Variants in RAP1GAP2 observed in about 807,000 individuals in gnomAD.
RAP1GAP2 encodes the protein RAP1 GTPase activating protein 2, also known as rap1 GTPase-activating protein 2.
RAP1GAP2 carries 27 observed loss-of-function variants against 95.0 expected under a neutral mutation model. The observed-to-expected ratio is 0.28, with a 90% confidence interval of 0.21 to 0.39. The LOEUF (loss-of-function observed/expected upper bound fraction) is 0.39, where lower values mean the gene tolerates loss of function less well. RAP1GAP2 is among the 10% of genes least tolerant of loss of function. The pLI, the probability that RAP1GAP2 is intolerant of heterozygous loss-of-function variation, is 1.00. For missense variants in RAP1GAP2, 771 were observed against 970.0 expected (o/e 0.79, Z 2.72); for synonymous variants, 373 against 380.9 (o/e 0.98, Z 0.24).
intron 2 of RAP1GAP2, among the ~76,000 whole-genome samples, chr17:2,851,268 C>T (rs939466316): frequency 2.0e-5 from 3 of 152,094 alleles, no homozygotes; most frequent in Non-Finnish European, 4.4e-5. Flanking sequence ...TTGTTTCGGG[C>T]AGGGATGGTC....
At chr17:2,999,198 T>G (rs987671588) in intron 14 of RAP1GAP2, among the ~76,000 whole-genome samples, 1 of 152,290 alleles carries the variant, frequency 6.6e-6, no homozygotes, top group African/African-American at 2.4e-5. Flanking sequence ...CCACTCCTCA[T>G]GGCTGGATCT....
At chr17:2,986,573 T>C (rs542845680) in intron 11 of RAP1GAP2, among the ~76,000 whole-genome samples, 44 of 151,370 alleles carry the variant, frequency 2.9e-4, no homozygotes, top group Admixed American at 1.9e-3. Flanking sequence ...CCTAGGCAGA[T>C]TGTTGTTTTG....
intron 1 of RAP1GAP2, among the ~76,000 whole-genome samples, chr17:2,782,985 C>G (rs1438575738): frequency 6.6e-6 from 1 of 152,178 alleles, no homozygotes; most frequent in Non-Finnish European, 1.5e-5. Context: ...CCCCTGCACT[C>G]CAGCCTGGGT....
chr17:2,817,805 G>C (rs2070091504), intron 2 of RAP1GAP2, among the ~76,000 whole-genome samples: 1 of 121,186 alleles, frequency 8.3e-6, no homozygotes, highest in Non-Finnish European at 2.0e-5. Context: ...ACAGGCATGA[G>C]CCACTGCGTC....
intron 3 of RAP1GAP2, among the ~76,000 whole-genome samples, chr17:2,948,177 A>T (rs1404623709): frequency 6.6e-6 from 1 of 152,178 alleles, no homozygotes; most frequent in Non-Finnish European, 1.5e-5. Flanking sequence ...TTTCAGCCCC[A>T]TGCAAAGGCG....
At chr17:2,852,298 C>A (rs2071887348) in intron 2 of RAP1GAP2, among the ~76,000 whole-genome samples, 1 of 151,478 alleles carries the variant, frequency 6.6e-6, no homozygotes, top group Admixed American at 6.6e-5. Context: ...CCATGGCTAT[C>A]TATATCTCTG....
intron 14 of RAP1GAP2, among the ~76,000 whole-genome samples, chr17:3,002,368 G>C (rs540435716): frequency 6.6e-6 from 1 of 152,172 alleles, no homozygotes; most frequent in Non-Finnish European, 1.5e-5. Flanking sequence ...TACCTTGATC[G>C]TGCACTCCAC....
chr17:2,893,076 G>T (rs1363585145), intron 2 of RAP1GAP2, among the ~76,000 whole-genome samples: 1 of 151,724 alleles, frequency 6.6e-6, no homozygotes, highest in Non-Finnish European at 1.5e-5. Context: ...TGCACAGGCT[G>T]GAGTGTAGTA....
chr17:2,885,780 C>T (rs954772249), intron 2 of RAP1GAP2, among the ~76,000 whole-genome samples: 2 of 152,234 alleles, frequency 1.3e-5, no homozygotes, highest in Non-Finnish European at 2.9e-5. Flanking sequence ...AAGAGGGCCC[C>T]TTAATTCTCA....
intron 19 of RAP1GAP2, among the ~76,000 whole-genome samples, chr17:3,021,787 T>C (rs945547747): frequency 6.6e-6 from 1 of 152,220 alleles, no homozygotes; most frequent in South Asian, 2.1e-4. Context: ...GACCTCCAAT[T>C]CTACCCATGT....
rs68036838 is a variant in RAP1GAP2, at chr17:2,796,860, CTG to C, written c.44+293_44+294del. ...TGACTGCAGTTGAATGTGTGTGTCT[CTG>C]TGTCCGCAGGTTCCCATGTATGTGT... On this transcript the variant is annotated intron_variant, in intron 1 of 24. Transcript: ENST00000254695. The surrounding 1 kb of genome is among the most constrained non-coding windows in gnomAD (Gnocchi z 4.7). Among the ~76,000 whole-genome samples the C allele has an allele frequency of 0.042, 6,352 of 152,044 alleles. 466 individuals are homozygous for C. Among genetic ancestry groups the C allele is most frequent in the African/African-American group, 0.14 (5,997 of 41,412 alleles).
intron 2 of RAP1GAP2, among the ~76,000 whole-genome samples, chr17:2,884,639 C>G (rs4790376): frequency 0.6 from 91,446 of 151,772 alleles, 28,281 homozygotes; most frequent in African/African-American, 0.74. Flanking sequence ...CTCCCAAAAT[C>G]CTGGGATTAC....
At chr17:2,849,273 T>C (rs1224817682) in intron 2 of RAP1GAP2, among the ~76,000 whole-genome samples, 1 of 152,008 alleles carries the variant, frequency 6.6e-6, no homozygotes, top group East Asian at 1.9e-4. Context: ...ATGGCCCCCC[T>C]CGCCCCCACC....
intron 2 of RAP1GAP2, among the ~76,000 whole-genome samples, chr17:2,893,121 G>C (rs1028947010): frequency 2.0e-5 from 3 of 151,756 alleles, no homozygotes; most frequent in African/African-American, 7.3e-5. Flanking sequence ...TCTGCCTCCC[G>C]GGTTCAAGTG....
chr17:2,782,873 C>T (rs1470665521), intron 1 of RAP1GAP2, among the ~76,000 whole-genome samples: 1 of 152,036 alleles, frequency 6.6e-6, no homozygotes, highest in Non-Finnish European at 1.5e-5. Context: ...AAAAATTACC[C>T]GGGTGTGGTG....
At chr17:2,876,822 C>T (rs1405877769) in intron 2 of RAP1GAP2, among the ~76,000 whole-genome samples, 2 of 151,676 alleles carry the variant, frequency 1.3e-5, no homozygotes, top group East Asian at 3.9e-4. Flanking sequence ...TTGGAATGCC[C>T]TTGGCTGAGG....
chr17:2,885,042 T>G (rs1463572352), intron 2 of RAP1GAP2, among the ~76,000 whole-genome samples: 2 of 146,138 alleles, frequency 1.4e-5, no homozygotes, highest in Non-Finnish European at 3.0e-5. Flanking sequence ...TTTTTTTTTT[T>G]TTTTTTTTTG....
rs997429571 is a variant in RAP1GAP2, at chr17:2,904,704, T to C, written c.81-580T>C. Among the ~76,000 whole-genome samples the C allele has an allele frequency of 6.6e-6, 1 of 152,062 alleles. No homozygotes were observed. The highest frequency in any genetic ancestry group is 2.4e-5 in the African/African-American group (1 of 41,406). On this transcript the variant is annotated intron_variant, in intron 2 of 24. Transcript: ENST00000254695. The surrounding 1 kb of genome is among the most constrained non-coding windows in gnomAD (Gnocchi z 4.7). ...GTAGCAGAATGACCTGGAGAGCTCG[T>C]TGGAGCGCAGGTTCCTGGGCTCATC...
chr17:2,771,222 G>T (rs904841610), intron 2 of RAP1GAP2, among the ~76,000 whole-genome samples: 3 of 152,076 alleles, frequency 2.0e-5, no homozygotes, highest in Admixed American at 1.3e-4. Context: ...TGCCTTCTTT[G>T]TCCGCCTCCT....
Sources: gnomAD v4.1 joint callset for allele counts (sites outside exome capture counted in the v4.1 genomes callset) on GRCh38, gnomAD v4.1.1 for gene constraint, Gnocchi (gnomAD v3.1) non-coding constraint, MANE v1.5 for transcripts, NCBI Gene and HGNC (gene_info 2026-07-23, HGNC 2026-07-21) for gene names.